Variants in UGT1A3 observed in about 807,000 individuals in gnomAD.
UGT1A3 encodes UDP glucuronosyltransferase family 1 member A3, also known as UDP-glucuronosyltransferase 1A3.
A neutral mutation model predicts 41.0 loss-of-function variants in UGT1A3; 31 were observed. The ratio of observed to expected loss-of-function variants is 0.76; its 90% CI spans 0.57 to 1.02. The LOEUF is 1.02. Among genes scored for constraint, UGT1A3 ranks in the 50% least tolerant of loss-of-function variants. The pLI is 0.00. For missense variants in UGT1A3, 737 were observed against 671.0 expected (o/e 1.10, Z -1.09); for synonymous variants, 262 against 257.6 (o/e 1.02, Z -0.17).
intron 1 of UGT1A3, chr2:233,752,635 T>C (rs1695024610): frequency 6.6e-6 from 1 of 152,222 alleles, no homozygotes; most frequent in Admixed American, 6.5e-5. Flanking sequence ...AGCTGTTGTC[T>C]TAGTTACTGG....
intron 1 of UGT1A3, chr2:233,743,270 C>T (rs538069492): frequency 2.1e-6 from 1 of 467,964 alleles, no homozygotes; most frequent in East Asian, 7.0e-5. Context: ...TCCTCCACTT[C>T]CACCCTTTCT....
At chr2:233,743,173 A>G (rs890417229) in intron 1 of UGT1A3, 7 of 365,612 alleles carry the variant, frequency 1.9e-5, no homozygotes, top group African/African-American at 1.5e-4. Flanking sequence ...GCTTAAAGTC[A>G]AATGTGGACT....
chr2:233,744,541 T>G (rs1692842272), intron 1 of UGT1A3, among the ~76,000 whole-genome samples: 1 of 151,942 alleles, frequency 6.6e-6, no homozygotes, highest in African/African-American at 2.4e-5. Flanking sequence ...TATGTAAATT[T>G]TATTAAGACA....
rs567256454 is a variant in UGT1A3 at position 233,740,487 on chromosome 2, A to G, written c.867+10494A>G. Among the ~76,000 whole-genome samples the G allele has an allele frequency of 3.4e-4, 52 of 152,072 alleles. 1 individual carries two copies. In the South Asian group the frequency reaches 4.6e-3, roughly 13 times the overall value. The stretch of plus-strand genomic sequence containing the variant: ...GACAGAAAGGATCATTCCCTCTTCC[A>G]GATGCTTTCCAGTGTGTGATGTAAG... On this transcript the variant is annotated intron_variant, in intron 1 of 4. Transcript: ENST00000482026.
intron 1 of UGT1A3, among the ~76,000 whole-genome samples, chr2:233,763,357 C>G (rs1698288561): frequency 6.6e-6 from 1 of 152,176 alleles, no homozygotes; most frequent in Non-Finnish European, 1.5e-5. Flanking sequence ...ATCTTTAGTA[C>G]TCCTTTGTCT....
intron 1 of UGT1A3, among the ~76,000 whole-genome samples, chr2:233,735,232 C>A (rs1233403714): frequency 6.6e-6 from 1 of 152,064 alleles, no homozygotes; most frequent in Admixed American, 6.5e-5. Context: ...GGATAGTTAG[C>A]TCTTGTTGTT....
intron 1 of UGT1A3, among the ~76,000 whole-genome samples, chr2:233,765,695 A>G (rs1698910486): frequency 6.9e-6 from 1 of 145,802 alleles, no homozygotes; most frequent in African/African-American, 2.7e-5. Flanking sequence ...CTTCAAGTAA[A>G]TAATAATAAT....
chr2:233,735,700 G>T (rs940691560), intron 1 of UGT1A3, among the ~76,000 whole-genome samples: 1 of 151,948 alleles, frequency 6.6e-6, no homozygotes, highest in African/African-American at 2.4e-5. Context: ...TGTAAGGCAG[G>T]CCTGGTGGTG....
At chr2:233,745,112 G>C (rs1457181143) in intron 1 of UGT1A3, among the ~76,000 whole-genome samples, 1 of 151,730 alleles carries the variant, frequency 6.6e-6, no homozygotes, top group Non-Finnish European at 1.5e-5. Flanking sequence ...TTAATCTGCT[G>C]TTGGCTGAAT....
intron 1 of UGT1A3, among the ~76,000 whole-genome samples, chr2:233,731,422 C>T (rs547999595): frequency 2.0e-5 from 3 of 152,028 alleles, no homozygotes; most frequent in Non-Finnish European, 4.4e-5. Context: ...TTTCCTAATG[C>T]CATCCCTCCC....
chr2:233,747,509 G>A (rs1693700205), intron 1 of UGT1A3: 24 of 1,607,862 alleles, frequency 1.5e-5, no homozygotes, highest in Non-Finnish European at 1.9e-5. Flanking sequence ...ACACTCAACT[G>A]TACTTTGAAA....
Position 233,772,570 on chromosome 2 carries a change from G to C in UGT1A3, c.*11G>C. Reference sequence around the variant, plus strand: ...TCCAAGACCCATTGAGAAGTGGGTGGGAAATAAGGTAAAATTTTGAACCAT... The same window carrying C: ...TCCAAGACCCATTGAGAAGTGGGTGCGAAATAAGGTAAAATTTTGAACCAT... On this transcript the variant is annotated 3_prime_UTR_variant, in exon 5 of 5. Coordinates refer to ENST00000482026, the MANE Select transcript of UGT1A3 (RefSeq NM_019093.4). The C allele has an allele frequency of 1.2e-6, 2 of 1,612,202 alleles. No individual in the cohort carries two copies. Among genetic ancestry groups the C allele is most frequent in the Non-Finnish European group, 1.7e-6 (2 of 1,179,006 alleles).
chr2:233,732,616 A>C (rs1187431518), intron 1 of UGT1A3, among the ~76,000 whole-genome samples: 1 of 152,194 alleles, frequency 6.6e-6, no homozygotes, highest in Non-Finnish European at 1.5e-5. Flanking sequence ...AAATGGTTGT[A>C]GATGTGTGGT....
At chr2:233,737,893 C>T (rs954991944) in intron 1 of UGT1A3, among the ~76,000 whole-genome samples, 2 of 152,082 alleles carry the variant, frequency 1.3e-5, no homozygotes, top group African/African-American at 4.8e-5. Flanking sequence ...AGCTAATTTT[C>T]GAGTGTGGTA....
Position 233,736,712 on chromosome 2 carries a change from C to T in UGT1A3, c.867+6719C>T, listed in dbSNP as rs373789864. On this transcript the variant is annotated intron_variant, in intron 1 of 4. Coordinates refer to ENST00000482026, the MANE Select transcript of UGT1A3 (RefSeq NM_019093.4). ...ACAGATGGGGTTTTGGTGTAGATGT[C>T]CTTTTTGTTGATGTTTATGCTGTTC... Among the ~76,000 whole-genome samples, 3 of 152,156 alleles carry T rather than the reference C, an allele frequency of 2.0e-5. No individual in the cohort carries two copies. In the East Asian group the frequency reaches 5.8e-4, roughly 29 times the overall value.
At chr2:233,755,366 T>C in intron 1 of UGT1A3, 1 of 363,028 alleles carries the variant, frequency 2.8e-6, no homozygotes, top group East Asian at 7.5e-5. Context: ...CTGGGCCGCC[T>C]GGAGGGCCGC....
At chr2:233,735,047 G>A (rs1460443849) in intron 1 of UGT1A3, among the ~76,000 whole-genome samples, 1 of 152,202 alleles carries the variant, frequency 6.6e-6, no homozygotes, top group Non-Finnish European at 1.5e-5. Context: ...GTGCAGAGCT[G>A]AGTTCAGGTC....
intron 1 of UGT1A3, among the ~76,000 whole-genome samples, chr2:233,765,461 A>G (rs963338723): frequency 3.9e-5 from 6 of 152,204 alleles, no homozygotes; most frequent in Non-Finnish European, 8.8e-5. Flanking sequence ...TTGCAAGGAC[A>G]TGGATGAAGC....
intron 1 of UGT1A3, among the ~76,000 whole-genome samples, chr2:233,749,734 G>A (rs1231776352): frequency 4.0e-5 from 6 of 151,850 alleles, no homozygotes; most frequent in African/African-American, 1.5e-4. Flanking sequence ...GCACCTGCTG[G>A]TCTCATCATA....
Sources: gnomAD v4.1 joint callset for allele counts (sites outside exome capture counted in the v4.1 genomes callset) on GRCh38, gnomAD v4.1.1 for gene constraint, MANE v1.5 for transcripts, NCBI Gene and HGNC (gene_info 2026-07-23, HGNC 2026-07-21) for gene names.